Variants in ZNF28 observed in about 807,000 individuals in gnomAD.
The protein encoded by ZNF28 is zinc finger protein 28.
In ZNF28, 5 loss-of-function variants were observed where a neutral mutation model predicts 7.2. That is an observed-to-expected ratio of 0.70 (90% confidence interval 0.36 to 1.46). The LOEUF (loss-of-function observed/expected upper bound fraction) is 1.46, where lower values mean the gene tolerates loss of function less well. Among genes scored for constraint, ZNF28 ranks in the 40% most tolerant of loss-of-function variants. The pLI, the probability that ZNF28 is intolerant of heterozygous loss-of-function variation, is 0.03. For synonymous variants in ZNF28, 288 were observed against 292.4 expected, an observed-to-expected ratio of 0.99 and a Z score of 0.15; for missense variants, 879 against 866.6, an observed-to-expected ratio of 1.01 and a Z score of -0.18.
At position 52,808,020 on chromosome 19, in the gene ZNF28, G is replaced by T. The variant is rs2062958502; in HGVS notation, c.129C>A (p.Asn43Lys). 1.9e-6 allele frequency: 3 copies of T among 1,613,322 alleles called. No homozygotes were observed. Among genetic ancestry groups the T allele is most frequent in the African/African-American group, 2.7e-5 (2 of 74,912 alleles). ...YRDVMLENYRNLVSLDISSKC... is the reference protein window; with the variant it reads ...YRDVMLENYRKLVSLDISSKC... ...GGTTATCCTCACCCAGGGAGACCAG[G>T]TTCCTATAATTCTCCAGCATCACAT... The change falls in exon 3 of 4, where the codon AAC becomes AAA. Residue 43 changes from asparagine (N) to lysine (K), a missense_variant. Physicochemically the swap from Asn to Lys is moderately conservative, Grantham distance 94 (BLOSUM62 0). Around this residue, in one of 2 missense-constraint regions of ZNF28, gnomAD observed 864 missense variants for 830.2 expected, o/e 1.04. Transcript: ENST00000457749.
chr19:52,801,661 C>G lies in ZNF28; in HGVS notation c.184G>C (p.Gly62Arg), dbSNP rs2147618375. The change falls in exon 4 of 4, where the codon GGG becomes CGG. Residue 62 changes from glycine to arginine, a missense_variant. Gly to Arg is a moderately radical substitution (Grantham distance 125). Transcript: ENST00000457749. ...KCMMKTFFST[G>R]QGNTEAFHTG... ...TGGAACGCTTCTGTATTGCCTTGCC[C>G]TGTTGAGAAGAATGTCTTCATCATG... 1 of 1,612,398 alleles carries G rather than the reference C, an allele frequency of 6.2e-7. No homozygotes were observed. Among genetic ancestry groups the G allele is most frequent in the East Asian group, 2.2e-5 (1 of 44,880 alleles).
intron 2 of ZNF28, among the ~76,000 whole-genome samples, chr19:52,811,720 G>A: frequency 6.7e-6 from 1 of 149,934 alleles, no homozygotes; most frequent in Non-Finnish European, 1.5e-5. Flanking sequence ...GGGAAGTGAG[G>A]AGCGTCTCCG....
At chr19:52,804,502 C>T (rs1642355063) in intron 3 of ZNF28, among the ~76,000 whole-genome samples, 1 of 151,952 alleles carries the variant, frequency 6.6e-6, no homozygotes, top group African/African-American at 2.4e-5. Flanking sequence ...TCCCAAGTAG[C>T]TGGGATTACA....
Position 52,819,576 on chromosome 19 carries a change from AG to A in ZNF28, c.-73-1546del, listed in dbSNP as rs565858669. Among the ~76,000 whole-genome samples the A allele has an allele frequency of 6.4e-3, 325 of 51,084 alleles. 82 individuals carry two copies. The highest frequency in any genetic ancestry group is 0.023 in the Middle Eastern group (2 of 88). 33.5% of individuals were successfully genotyped at this position (51,084 alleles called of 152,430 possible). The stretch of plus-strand genomic sequence containing the variant: ...GTCTAGCCCCTCATCTCCAAGTTGC[AG>A]GGGAGGCTCACTGGGGCTCAGAGCT... On this transcript the variant is annotated intron_variant, in intron 1 of 3. Transcript: ENST00000457749.
chr19:52,813,451 G>A (rs1194444710), intron 2 of ZNF28, among the ~76,000 whole-genome samples: 3 of 147,064 alleles, frequency 2.0e-5, no homozygotes, highest in African/African-American at 7.8e-5. Flanking sequence ...CTTCGCCCCC[G>A]TAGGGGCTGC....
intron 3 of ZNF28, chr19:52,806,090 CTG>C (rs2062933771): frequency 6.6e-6 from 1 of 152,158 alleles, no homozygotes; most frequent in Non-Finnish European, 1.5e-5. Context: ...ATGAAAAACA[CTG>C]TACATATATG....
chr19:52,820,937 C>G (rs949970280), intron 1 of ZNF28, among the ~76,000 whole-genome samples: 10 of 151,970 alleles, frequency 6.6e-5, no homozygotes, highest in South Asian at 2.1e-4. Flanking sequence ...TTGGCCCACA[C>G]GATCACACGA....
Position 52,799,548 on chromosome 19 carries a change from T to C in ZNF28, c.*140A>G. On this transcript the variant is annotated 3_prime_UTR_variant, in exon 4 of 4. Transcript: ENST00000457749. ...AAGTTTCTCTCCAGTATGAATGGCT[T>C]TGTGACTTACAAGGGTTGAATTGTG... 1 of 1,455,726 alleles carries C rather than the reference T, an allele frequency of 6.9e-7. No homozygotes were observed. Among genetic ancestry groups the C allele is most frequent in the Admixed American group, 1.8e-5 (1 of 55,530 alleles). The allele number at this position is 1,455,726 out of a possible 1,614,324, so 90.2% of individuals were successfully genotyped here.
chr19:52,799,212 T>C lies in ZNF28; in HGVS notation c.*476A>G. On this transcript the variant is annotated 3_prime_UTR_variant, in exon 4 of 4. Coordinates refer to ENST00000457749, the MANE Select transcript of ZNF28 (RefSeq NM_006969.5). ...GGGTTTCTCTCCAATACGAATTGCC[T>C]TTTGAATTACAAGGTATGAATTTTG... 1 of 390,512 alleles carries C rather than the reference T, an allele frequency of 2.6e-6. No homozygotes were observed. 24.2% of individuals were successfully genotyped at this position (390,512 alleles called of 1,614,324 possible).
intron 1 of ZNF28, among the ~76,000 whole-genome samples, chr19:52,820,897 C>G (rs985507640): frequency 1.1e-4 from 16 of 152,100 alleles, no homozygotes; most frequent in Middle Eastern, 3.4e-3. Context: ...CTACTGCTCT[C>G]TTAGTCCCTC....
At position 52,798,442 on chromosome 19, in the gene ZNF28, T is replaced by C; in HGVS notation, c.*1246A>G. ...CTATACTAATGGCATTTGAAACAAC[T>C]GTCTCCAAAAGGAATTGTCTGATGG... is the stretch of plus-strand genomic sequence containing the variant. On this transcript the variant is annotated 3_prime_UTR_variant, in exon 4 of 4. Transcript: ENST00000457749. 2.3e-6 allele frequency: 1 copy of C among 433,980 alleles called. No individual in the cohort carries two copies. The highest frequency in any genetic ancestry group is 1.8e-5 in the South Asian group (1 of 54,664). 26.9% of individuals were successfully genotyped at this position (433,980 alleles called of 1,614,324 possible).
At chr19:52,801,733 A>G in intron 3 of ZNF28, 31 bp from the exon 4 acceptor site, 5 of 1,584,914 alleles carry the variant, frequency 3.2e-6, no homozygotes, top group Middle Eastern at 1.7e-4. Flanking sequence ...TAGGTTTCCA[A>G]TGAAGTACAG....
intron 2 of ZNF28, among the ~76,000 whole-genome samples, chr19:52,816,804 C>T (rs2063130412): frequency 6.6e-6 from 1 of 150,706 alleles, no homozygotes; most frequent in African/African-American, 2.4e-5. Context: ...GCACTGCAGC[C>T]TGGGCAACAA....
chr19:52,812,842 G>A lies in ZNF28; in HGVS notation c.16-4709C>T, dbSNP rs949560659. On this transcript the variant is annotated intron_variant, in intron 2 of 3. Coordinates refer to ENST00000457749, the MANE Select transcript of ZNF28 (RefSeq NM_006969.5). ...TGCTTGGATGACATAAACTGGGCAA[G>A]CCTTTGAGGAAATGCATCACCCTGA... is the stretch of plus-strand genomic sequence containing the variant. Among the ~76,000 whole-genome samples, 100 of 148,620 alleles carry A rather than the reference G, an allele frequency of 6.7e-4. 1 individual carries two copies. The highest frequency in any genetic ancestry group is 1.1e-3 in the Non-Finnish European group (74 of 67,272).
At position 52,800,749 on chromosome 19, in the gene ZNF28, G is replaced by T; in HGVS notation, c.1096C>A (p.Arg366=). The T allele has an allele frequency of 6.2e-7, 1 of 1,612,986 alleles. No homozygotes were observed. The highest frequency in any genetic ancestry group is 8.5e-7 in the Non-Finnish European group (1 of 1,179,742). Residue 366 remains arginine (R), a synonymous_variant, in exon 4 of 4, where the codon CGA becomes AGA. Transcript: ENST00000457749. Reference sequence around the variant, plus strand: ...CGATGGCGTGCAAGGGTTGACAGTCGATTAAAAACCTTGCCACATTCATTA... The same window carrying T: ...CGATGGCGTGCAAGGGTTGACAGTCTATTAAAAACCTTGCCACATTCATTA... ...KCNECGKVFN[R]LSTLARHRRL...
rs895414450 is a variant in ZNF28, at chr19:52,797,938, CAGCGAAACCCAGTCTCT to C, written c.*1733_*1749del. The C allele has an allele frequency of 6.6e-6, 1 of 152,174 alleles. No homozygotes were observed. Among genetic ancestry groups the C allele is most frequent in the African/African-American group, 2.4e-5 (1 of 41,512 alleles). 9.4% of individuals were successfully genotyped at this position (152,174 alleles called of 1,614,324 possible). On this transcript the variant is annotated 3_prime_UTR_variant, in exon 4 of 4. Coordinates refer to ENST00000457749, the MANE Select transcript of ZNF28 (RefSeq NM_006969.5). ...AAAATCGAGACCATCCAGGCTAACA[CAGCGAAACCCAGTCTCT>C]ACTAAAAATACAAAAAATTATCCAG...
chr19:52,820,088 C>T (rs896816637), intron 1 of ZNF28, among the ~76,000 whole-genome samples: 9 of 142,398 alleles, frequency 6.3e-5, no homozygotes, highest in African/African-American at 2.6e-4. Context: ...TGGGCTCCAT[C>T]CTTGCAACTT....
In ZNF28 at chr19:52,817,934, A is replaced by G. The variant is rs778124685; in HGVS notation, c.15+10T>C. ...GGAGACAGAGCAATCCACCGAGAAT[A>G]CCATCTCACCTGAGGAAGAGCCATC... is the stretch of plus-strand genomic sequence containing the variant. On this transcript the variant is annotated intron_variant, in intron 2 of 3. Coordinates refer to ENST00000457749, the MANE Select transcript of ZNF28 (RefSeq NM_006969.5). 1 of 1,610,582 alleles carries G rather than the reference A, an allele frequency of 6.2e-7. No individual in the cohort carries two copies. The highest frequency in any genetic ancestry group is 1.3e-5 in the African/African-American group (1 of 75,036).
At chr19:52,805,605 C>T (rs993162897) in intron 3 of ZNF28, 59 of 138,716 alleles carry the variant, frequency 4.3e-4, no homozygotes, top group African/African-American at 1.5e-3. Context: ...CCGGCCTGGG[C>T]GACAGAGTGA....
Sources: gnomAD v4.1 joint callset for allele counts (sites outside exome capture counted in the v4.1 genomes callset) on GRCh38, gnomAD v4.1.1 for gene constraint, gnomAD v4.1.1 regional missense constraint, MANE v1.5 for transcripts, NCBI Gene and HGNC (gene_info 2026-07-23, HGNC 2026-07-21) for gene names.